MARCHF1: variants seen among roughly 807,000 people sequenced by gnomAD.
MARCHF1 encodes the protein E3 ubiquitin-protein ligase MARCHF1.
In MARCHF1, 40 loss-of-function variants were observed where a neutral mutation model predicts 54.2. The observed-to-expected ratio is 0.74, with a 90% CI of 0.57 to 0.96. The LOEUF is 0.96. MARCHF1 is among the 40% of genes least tolerant of loss of function. The pLI, the probability that MARCHF1 is intolerant of heterozygous loss-of-function variation, is 0.00. For missense variants in MARCHF1, 586 were observed against 656.5 expected (o/e 0.89, Z 1.17); for synonymous variants, 236 against 236.3 (o/e 1.00, Z 0.01).
intron 1 of MARCHF1, among the ~76,000 whole-genome samples, chr4:164,305,526 C>T (rs9790392): frequency 0.087 from 13,253 of 152,118 alleles, 1,364 homozygotes; most frequent in African/African-American, 0.24. Context: ...GAGTGAGGCA[C>T]TGTCTCATTC....
intron 1 of MARCHF1, among the ~76,000 whole-genome samples, chr4:164,119,596 G>T (rs1428640504): frequency 6.6e-6 from 1 of 151,126 alleles, no homozygotes; most frequent in Non-Finnish European, 1.5e-5. Flanking sequence ...AAAAACATGA[G>T]CCAAACTAAT....
In MARCHF1 at chr4:163,912,295, G is replaced by A. The variant is rs766642482; in HGVS notation, c.-38-58126C>T. Among the ~76,000 whole-genome samples, 52 of 152,116 alleles carry A rather than the reference G, an allele frequency of 3.4e-4. 1 individual carries two copies. Among genetic ancestry groups the A allele is most frequent in the Non-Finnish European group, 5.6e-4 (38 of 68,000 alleles). ...AAAACTTGAGCTCTCCTTACTGAAG[G>A]AGAAGAGAATAGATACTGGCAGACA... On this transcript the variant is annotated intron_variant, in intron 3 of 9. Transcript: ENST00000514618.
chr4:164,088,769 A>C (rs1226294251), intron 2 of MARCHF1, among the ~76,000 whole-genome samples: 1 of 152,166 alleles, frequency 6.6e-6, no homozygotes. Context: ...GAACAAAATA[A>C]GTAACCAAAT....
At chr4:163,753,664 A>G (rs1399844019) in intron 4 of MARCHF1, among the ~76,000 whole-genome samples, 2 of 152,168 alleles carry the variant, frequency 1.3e-5, no homozygotes, top group East Asian at 1.9e-4. Flanking sequence ...GGTCCCTGTA[A>G]GAAAAAGTAA....
chr4:164,218,264 G>T (rs1021658287), intron 1 of MARCHF1, among the ~76,000 whole-genome samples: 1 of 151,828 alleles, frequency 6.6e-6, no homozygotes, highest in African/African-American at 2.4e-5. Context: ...AACAAGGAGG[G>T]GACATAAAAG....
chr4:163,976,883 A>G (rs1433145265), intron 3 of MARCHF1, among the ~76,000 whole-genome samples: 1 of 152,156 alleles, frequency 6.6e-6, no homozygotes, highest in Middle Eastern at 3.2e-3. Context: ...AGAGTAACAG[A>G]CTTGGAATTA....
At position 164,274,659 on chromosome 4, in the gene MARCHF1, C is replaced by CTTCTTTTTTTTTTTTTTTTTTTTTTTT. The variant is rs1733826760; in HGVS notation, c.-323+109210_-323+109211insAAAAAAAAAAAAAAAAAAAAAAAAGAA. On this transcript the variant is annotated intron_variant, in intron 1 of 9. Transcript: ENST00000514618. ...CGCTTGATGTGTGCTTCAGGGTACA[C>CTTCTTTTTTTTTTTTTTTTTTTTTTTT]TTTTTTTTTTTTTTTTTTTTTTTTT... Among the ~76,000 whole-genome samples, 7 of 44,644 alleles carry CTTCTTTTTTTTTTTTTTTTTTTTTTTT rather than the reference C, an allele frequency of 1.6e-4. 2 individuals carry two copies. Among genetic ancestry groups the CTTCTTTTTTTTTTTTTTTTTTTTTTTT allele is most frequent in the African/African-American group, 5.2e-4 (7 of 13,408 alleles). The allele number at this position is 44,644 out of a possible 152,430, so 29.3% of individuals were successfully genotyped here. A position where few individuals can be genotyped will look rare whatever the true frequency, so the allele number is the denominator to read the frequency against.
intron 4 of MARCHF1, among the ~76,000 whole-genome samples, chr4:163,705,931 G>A (rs552313292): frequency 2.6e-5 from 4 of 152,106 alleles, no homozygotes; most frequent in Non-Finnish European, 5.9e-5. Context: ...CTCTGGTTAA[G>A]AAACAAAACC....
chr4:163,554,873 T>C (rs1193915273), intron 8 of MARCHF1, among the ~76,000 whole-genome samples: 1 of 152,230 alleles, frequency 6.6e-6, no homozygotes. Flanking sequence ...CATTACTTAT[T>C]ACATGCATAT....
chr4:164,275,358 G>A (rs1261075678), intron 1 of MARCHF1, among the ~76,000 whole-genome samples: 3 of 152,172 alleles, frequency 2.0e-5, no homozygotes, highest in Non-Finnish European at 4.4e-5. Flanking sequence ...CCTCCTCCCA[G>A]TACAAAGCTA....
At chr4:163,903,576 A>T (rs1420725318) in intron 3 of MARCHF1, among the ~76,000 whole-genome samples, 1 of 151,708 alleles carries the variant, frequency 6.6e-6, no homozygotes, top group Admixed American at 6.6e-5. Context: ...ACTTTTTTTT[A>T]TTCTCCATAA....
chr4:163,647,285 G>A (rs1234687593), intron 5 of MARCHF1, among the ~76,000 whole-genome samples: 1 of 151,978 alleles, frequency 6.6e-6, no homozygotes, highest in Admixed American at 6.6e-5. Flanking sequence ...TAGATCTGGA[G>A]GGAGAGATAG....
chr4:163,721,878 C>A (rs1745475959), intron 4 of MARCHF1, among the ~76,000 whole-genome samples: 1 of 151,984 alleles, frequency 6.6e-6, no homozygotes, highest in Non-Finnish European at 1.5e-5. Flanking sequence ...TGGTGACATC[C>A]CTTTTATCAT....
chr4:164,042,139 T>G (rs1050690011), intron 2 of MARCHF1, among the ~76,000 whole-genome samples: 5 of 152,336 alleles, frequency 3.3e-5, no homozygotes, highest in Admixed American at 6.5e-5. Flanking sequence ...TTCTATCTTT[T>G]GTCCTCAGAA....
At chr4:164,169,148 A>G (rs961269652) in intron 1 of MARCHF1, among the ~76,000 whole-genome samples, 3 of 152,124 alleles carry the variant, frequency 2.0e-5, no homozygotes, top group Non-Finnish European at 4.4e-5. Flanking sequence ...CTGCTTCATA[A>G]TAACCATTTT....
intron 5 of MARCHF1, among the ~76,000 whole-genome samples, chr4:163,666,626 T>A (rs1377195137): frequency 6.6e-6 from 1 of 152,152 alleles, no homozygotes; most frequent in East Asian, 1.9e-4. Context: ...ATAGAACATT[T>A]ATCATGGTCT....
intron 3 of MARCHF1, among the ~76,000 whole-genome samples, chr4:163,947,993 A>G (rs562439517): frequency 4.6e-4 from 70 of 152,316 alleles, no homozygotes; most frequent in Admixed American, 9.2e-4. Flanking sequence ...CCCCCAAAGT[A>G]GATTTCTCTA....
intron 9 of MARCHF1, among the ~76,000 whole-genome samples, chr4:163,533,146 A>T (rs1738411441): frequency 1.3e-5 from 2 of 151,238 alleles, no homozygotes; most frequent in African/African-American, 4.8e-5. Flanking sequence ...TGATACATCC[A>T]TGTAATGGAG....
At chr4:163,880,387 A>C (rs1304797005) in intron 3 of MARCHF1, among the ~76,000 whole-genome samples, 1 of 151,016 alleles carries the variant, frequency 6.6e-6, no homozygotes, top group African/African-American at 2.4e-5. Flanking sequence ...TCTAATTATA[A>C]ATTTGAATAT....
Sources: gnomAD v4.1 joint callset for allele counts (sites outside exome capture counted in the v4.1 genomes callset) on GRCh38, gnomAD v4.1.1 for gene constraint, MANE v1.5 for transcripts, NCBI Gene and HGNC (gene_info 2026-07-23, HGNC 2026-07-21) for gene names.